Variants in ERG observed in about 807,000 individuals in gnomAD.
ERG encodes the protein transcriptional regulator ERG.
A neutral mutation model predicts 55.3 loss-of-function variants in ERG; 9 were observed. The ratio of observed to expected loss-of-function variants is 0.16; its 90% CI spans 0.10 to 0.28. The LOEUF is 0.28. Ranked by LOEUF, ERG falls within the 10% of genes least tolerant of loss-of-function variation. ERG has a pLI of 1.00. For synonymous variants in ERG, 223 were observed against 237.3 expected, an observed-to-expected ratio of 0.94 and a Z score of 0.55; for missense variants, 434 against 631.6, an observed-to-expected ratio of 0.69 and a Z score of 3.35.
At chr21:38,396,247 A>T (rs912953555) in intron 6 of ERG, among the ~76,000 whole-genome samples, 8 of 152,208 alleles carry the variant, frequency 5.3e-5, no homozygotes, top group African/African-American at 1.4e-4. Flanking sequence ...AAAATTCTAC[A>T]TCAAAGTTTG....
intron 1 of ERG, among the ~76,000 whole-genome samples, chr21:38,601,743 T>G (rs1053288392): frequency 1.4e-4 from 22 of 152,320 alleles, no homozygotes; most frequent in African/African-American, 5.3e-4. Context: ...AGTTTTCTCC[T>G]ACATAGTAAC....
intron 1 of ERG, among the ~76,000 whole-genome samples, chr21:38,463,630 G>T (rs1356254765): frequency 6.6e-6 from 1 of 152,224 alleles, no homozygotes; most frequent in East Asian, 1.9e-4. Context: ...CCTGAGCCTT[G>T]AAGAATGGGG....
chr21:38,613,647 C>A (rs1305120112), intron 1 of ERG, among the ~76,000 whole-genome samples: 2 of 152,218 alleles, frequency 1.3e-5, no homozygotes, highest in Non-Finnish European at 2.9e-5. Context: ...CCTTTCTCCT[C>A]TGATCCATTC....
At chr21:38,652,003 G>A (rs2060491398) in intron 1 of ERG, among the ~76,000 whole-genome samples, 1 of 152,230 alleles carries the variant, frequency 6.6e-6, no homozygotes, top group South Asian at 2.1e-4. Flanking sequence ...TCTGGTGAGT[G>A]AATGTCACCT....
chr21:38,548,723 C>A (rs1200045211), intron 2 of ERG, among the ~76,000 whole-genome samples: 1 of 149,156 alleles, frequency 6.7e-6, no homozygotes, highest in African/African-American at 2.5e-5. Context: ...CTTAACCTCC[C>A]AAAGTGCTGA....
chr21:38,414,191 C>T (rs1321660238), intron 3 of ERG, among the ~76,000 whole-genome samples: 3 of 152,204 alleles, frequency 2.0e-5, no homozygotes, highest in Non-Finnish European at 4.4e-5. Flanking sequence ...CAACCTCTGC[C>T]TGTCTTCACA....
intron 1 of ERG, among the ~76,000 whole-genome samples, chr21:38,447,126 C>T (rs747351756): frequency 1.3e-4 from 19 of 151,202 alleles, no homozygotes; most frequent in African/African-American, 3.4e-4. Context: ...CTCTGTCGCT[C>T]GATCCTCCAC....
chr21:38,537,203 T>G (rs879431054), intron 2 of ERG, among the ~76,000 whole-genome samples: 12 of 152,128 alleles, frequency 7.9e-5, no homozygotes, highest in Admixed American at 7.2e-4. Flanking sequence ...AAAATTCTTA[T>G]GAGAAAACTC....
chr21:38,566,623 A>G (rs569318787), intron 2 of ERG, among the ~76,000 whole-genome samples: 1 of 152,362 alleles, frequency 6.6e-6, no homozygotes, highest in Non-Finnish European at 1.5e-5. Context: ...ACCCAAGGCC[A>G]AATAATGCTC....
At chr21:38,558,579 A>T (rs967810116) in intron 2 of ERG, among the ~76,000 whole-genome samples, 55 of 152,246 alleles carry the variant, frequency 3.6e-4, no homozygotes, top group Non-Finnish European at 7.3e-5. Context: ...AAATGGCAAA[A>T]GTATGGAAAT....
chr21:38,367,366 G>T, the ERG span, among the ~76,000 whole-genome samples: 2 of 152,340 alleles, frequency 1.3e-5, no homozygotes, highest in East Asian at 3.9e-4. Context: ...GGTGGCTGGT[G>T]GCTCAGGGTC....
At chr21:38,493,677 A>C (rs941670327) in intron 1 of ERG, among the ~76,000 whole-genome samples, 3 of 152,230 alleles carry the variant, frequency 2.0e-5, no homozygotes, top group African/African-American at 7.2e-5. Context: ...GCCTCGGCTC[A>C]GAACAGGACG....
In ERG at chr21:38,605,317, C is replaced by T. The variant is rs760869353; in HGVS notation, c.-149-20372G>A. Among the ~76,000 whole-genome samples, 73 of 152,144 alleles carry T rather than the reference C, an allele frequency of 4.8e-4. 1 individual carries two copies. Among genetic ancestry groups the T allele is most frequent in the Non-Finnish European group, 9.1e-4 (62 of 68,032 alleles). ...CCCTCACTGAATGCCCATGCTGTTCCTGGACTTCACTAGAAGTACAATAAA... is the reference window on the plus strand; with the variant it reads ...CCCTCACTGAATGCCCATGCTGTTCTTGGACTTCACTAGAAGTACAATAAA... On this transcript the variant is annotated intron_variant, in intron 1 of 10. Transcript: ENST00000398910.
chr21:38,537,076 G>A (rs1006583703), intron 2 of ERG, among the ~76,000 whole-genome samples: 5 of 152,140 alleles, frequency 3.3e-5, no homozygotes, highest in African/African-American at 1.2e-4. Flanking sequence ...TCAACAACTG[G>A]TGTTGGGAAA....
intron 1 of ERG, chr21:38,449,060 T>C (rs1367292924): frequency 3.3e-5 from 5 of 152,224 alleles, no homozygotes; most frequent in Non-Finnish European, 7.3e-5. Context: ...GCAGCTGCCT[T>C]AGTTAGCATG....
chr21:38,522,957 C>T (rs771513636), intron 2 of ERG, among the ~76,000 whole-genome samples: 2 of 152,136 alleles, frequency 1.3e-5, no homozygotes, highest in Non-Finnish European at 2.9e-5. Context: ...TTCTCTTGGA[C>T]ATAAAATATG....
chr21:38,521,250 C>G (rs996956974), intron 2 of ERG, among the ~76,000 whole-genome samples: 1 of 152,142 alleles, frequency 6.6e-6, no homozygotes, highest in Admixed American at 6.5e-5. Context: ...CAAAGTGCGG[C>G]TACTACACAC....
the ERG span, among the ~76,000 whole-genome samples, chr21:38,368,280 A>T: frequency 3.3e-5 from 5 of 152,044 alleles, no homozygotes; most frequent in East Asian, 9.6e-4. Flanking sequence ...CCATTGCATG[A>T]CCCCTAAATA....
intron 2 of ERG, among the ~76,000 whole-genome samples, chr21:38,508,142 C>T (rs934181114): frequency 2.0e-5 from 3 of 151,650 alleles, no homozygotes; most frequent in African/African-American, 7.3e-5. Flanking sequence ...TATCTATGAA[C>T]AGATGAGAGA....
Sources: gnomAD v4.1 joint callset for allele counts (sites outside exome capture counted in the v4.1 genomes callset) on GRCh38, gnomAD v4.1.1 for gene constraint, MANE v1.5 for transcripts, NCBI Gene and HGNC (gene_info 2026-07-23, HGNC 2026-07-21) for gene names.